Variants in ASCC1 observed in about 807,000 individuals in gnomAD.
The protein encoded by ASCC1 is activating signal cointegrator 1 complex subunit 1.
ASCC1 carries 35 observed loss-of-function variants against 46.6 expected under a neutral mutation model. That is an observed-to-expected ratio of 0.75 (90% CI 0.57 to 0.99). The LOEUF (loss-of-function observed/expected upper bound fraction) is 0.99. Among genes scored for constraint, ASCC1 ranks in the 50% least tolerant of loss-of-function variants. ASCC1 has a pLI of 0.00. For missense variants in ASCC1, 376 were observed against 428.7 expected (o/e 0.88, Z 1.09); for synonymous variants, 143 against 146.6 (o/e 0.98, Z 0.18).
At chr10:72,201,357 T>C (rs558373244) in intron 4 of ASCC1, among the ~76,000 whole-genome samples, 4 of 152,306 alleles carry the variant, frequency 2.6e-5, no homozygotes, top group East Asian at 1.9e-4. Context: ...AGAGTACTTA[T>C]AATTTTTTAT....
At chr10:72,156,649 G>A (rs536655943) in intron 6 of ASCC1, among the ~76,000 whole-genome samples, 2 of 152,166 alleles carry the variant, frequency 1.3e-5, no homozygotes, top group East Asian at 3.9e-4. Flanking sequence ...GCGGGCGCCT[G>A]TAGTCCCGGC....
intron 6 of ASCC1, among the ~76,000 whole-genome samples, chr10:72,156,927 C>T (rs1849053791): frequency 1.3e-5 from 2 of 152,116 alleles, no homozygotes; most frequent in African/African-American, 4.8e-5. Flanking sequence ...CACTTCAAGG[C>T]CTTATTATTG....
chr10:72,187,536 C>T (rs775937763), intron 5 of ASCC1, among the ~76,000 whole-genome samples: 7 of 149,710 alleles, frequency 4.7e-5, no homozygotes, highest in Non-Finnish European at 8.9e-5. Context: ...CTGGCTAACA[C>T]GGTGAAACCC....
At chr10:72,215,945 AGC>A (rs1439309896) in intron 1 of ASCC1, 1 of 152,302 alleles carries the variant, frequency 6.6e-6, no homozygotes, top group Non-Finnish European at 1.5e-5. Flanking sequence ...CCTCTACGCG[AGC>A]GCGTTCTCTG....
At chr10:72,169,465 C>T (rs920927253) in intron 5 of ASCC1, among the ~76,000 whole-genome samples, 6 of 151,982 alleles carry the variant, frequency 3.9e-5, no homozygotes, top group Non-Finnish European at 7.4e-5. Context: ...TGCAGAAGAG[C>T]TTCTATACTT....
At chr10:72,185,381 G>C (rs1853300726) in intron 5 of ASCC1, among the ~76,000 whole-genome samples, 1 of 152,134 alleles carries the variant, frequency 6.6e-6, no homozygotes, top group African/African-American at 2.4e-5. Flanking sequence ...GAGTTGAATA[G>C]ATAAAGAAAT....
intron 2 of ASCC1, 90 bp downstream of exon 2, chr10:72,213,097 C>T (rs565905584): frequency 3.4e-6 from 3 of 880,174 alleles, no homozygotes; most frequent in African/African-American, 1.7e-5. Flanking sequence ...TCAGTGCTGA[C>T]ACAGAAACAC....
At chr10:72,149,386 C>T (rs1307371925) in intron 7 of ASCC1, among the ~76,000 whole-genome samples, 1 of 141,102 alleles carries the variant, frequency 7.1e-6, no homozygotes, top group Non-Finnish European at 1.5e-5. Context: ...TGCAGTAAGC[C>T]TAGATCACGC....
chr10:72,209,500 T>C (rs1390713940), intron 3 of ASCC1, among the ~76,000 whole-genome samples: 1 of 151,908 alleles, frequency 6.6e-6, no homozygotes, highest in Non-Finnish European at 1.5e-5. Flanking sequence ...ATAATAAAAA[T>C]AGGCTGGGTG....
chr10:72,124,432 C>A (rs534918063), intron 9 of ASCC1, among the ~76,000 whole-genome samples: 1 of 152,278 alleles, frequency 6.6e-6, no homozygotes, highest in Admixed American at 6.5e-5. Context: ...CTGATGAGTA[C>A]AACCTAGGGC....
Position 72,097,256 on chromosome 10 carries a change from C to T in ASCC1, c.*78G>A. On this transcript the variant is annotated 3_prime_UTR_variant, in exon 10 of 10. Coordinates refer to ENST00000672957, the MANE Select transcript of ASCC1 (RefSeq NM_001198800.3). Reference sequence around the variant, plus strand: ...CACCATCCAAATGTCCACATCCCTGCTTGGCAATTAAAACGAAGACACTTT... The same window carrying T: ...CACCATCCAAATGTCCACATCCCTGTTTGGCAATTAAAACGAAGACACTTT... The T allele has an allele frequency of 9.9e-7, 1 of 1,011,304 alleles. No individual in the cohort carries two copies. Among genetic ancestry groups the T allele is most frequent in the Non-Finnish European group, 1.6e-6 (1 of 636,418 alleles). 62.6% of individuals were successfully genotyped at this position (1,011,304 alleles called of 1,614,324 possible). A position where few individuals can be genotyped will look rare whatever the true frequency, so the allele number is the denominator to read the frequency against.
intron 9 of ASCC1, among the ~76,000 whole-genome samples, chr10:72,108,235 C>T (rs1356184621): frequency 2.0e-5 from 3 of 151,914 alleles, no homozygotes; most frequent in Non-Finnish European, 4.4e-5. Flanking sequence ...TGCCACCATG[C>T]CTGGCTAATT....
chr10:72,112,148 T>C (rs2132029890), intron 9 of ASCC1, among the ~76,000 whole-genome samples: 1 of 152,344 alleles, frequency 6.6e-6, no homozygotes, highest in Non-Finnish European at 1.5e-5. Flanking sequence ...TGTCACCATC[T>C]CTGGGTCCAG....
chr10:72,216,765 G>T, upstream of ASCC1: 1 of 455,138 alleles, frequency 2.2e-6, no homozygotes, highest in Non-Finnish European at 4.4e-6. Context: ...AGCAATCTGT[G>T]TCCACAAAGC....
upstream of ASCC1, among the ~76,000 whole-genome samples, chr10:72,216,609 G>T (rs533042729): frequency 1.1e-4 from 16 of 151,892 alleles, no homozygotes; most frequent in South Asian, 4.2e-4. Flanking sequence ...TTTGTACTAG[G>T]GTAGGAACTT....
chr10:72,196,221 A>G (rs1855399855), intron 5 of ASCC1, among the ~76,000 whole-genome samples: 1 of 151,818 alleles, frequency 6.6e-6, no homozygotes, highest in Non-Finnish European at 1.5e-5. Context: ...CATTAACATT[A>G]CCACCCAAAA....
intron 5 of ASCC1, among the ~76,000 whole-genome samples, chr10:72,162,981 A>G (rs1849891154): frequency 6.6e-6 from 1 of 151,960 alleles, no homozygotes; most frequent in South Asian, 2.1e-4. Context: ...CTTTTCTCCA[A>G]GGCAGAAATA....
At chr10:72,141,036 T>TAGATAG (rs1773095836) in intron 7 of ASCC1, among the ~76,000 whole-genome samples, 21 of 144,172 alleles carry the variant, frequency 1.5e-4, no homozygotes, top group Non-Finnish European at 2.6e-4. Flanking sequence ...TCAAATTGTT[T>TAGATAG]ATAGATAGAT....
At chr10:72,148,096 G>C (rs1223869418) in intron 7 of ASCC1, among the ~76,000 whole-genome samples, 2 of 152,142 alleles carry the variant, frequency 1.3e-5, no homozygotes, top group Non-Finnish European at 2.9e-5. Flanking sequence ...TGTGCTAGTA[G>C]CAGTATATTC....
Sources: allele counts gnomAD v4.1 joint callset (sites outside exome capture counted in the v4.1 genomes callset), GRCh38; gene constraint gnomAD v4.1.1; transcripts MANE v1.5; gene names NCBI Gene and HGNC (gene_info 2026-07-23, HGNC 2026-07-21).